The following ASIC2 variants were observed in gnomAD, a reference collection of about 807,000 sequenced individuals.
ASIC2 encodes the protein acid sensing ion channel subunit 2.
In ASIC2, 25 loss-of-function variants were observed where a neutral mutation model predicts 57.3. The observed-to-expected ratio is 0.44, with a 90% CI of 0.32 to 0.61. The LOEUF (loss-of-function observed/expected upper bound fraction) is 0.61, where lower values mean the gene tolerates loss of function less well. Among genes scored for constraint, ASIC2 ranks in the 20% least tolerant of loss-of-function variants. The pLI, the probability that ASIC2 is intolerant of heterozygous loss-of-function variation, is 0.06. For synonymous variants in ASIC2, 319 were observed against 307.5 expected, an observed-to-expected ratio of 1.04 and a Z score of -0.39; for missense variants, 641 against 738.1, an observed-to-expected ratio of 0.87 and a Z score of 1.52.
intron 1 of ASIC2, among the ~76,000 whole-genome samples, chr17:33,912,748 G>C (rs954291779): frequency 1.3e-5 from 2 of 152,068 alleles, no homozygotes; most frequent in Non-Finnish European, 2.9e-5. Context: ...GGGAGGCGGA[G>C]GTGGGCGGAT....
chr17:33,868,852 C>A (rs2141929874), intron 1 of ASIC2, among the ~76,000 whole-genome samples: 1 of 152,224 alleles, frequency 6.6e-6, no homozygotes, highest in African/African-American at 2.4e-5. Context: ...TCACTTGAAG[C>A]CAGGAGTTTA....
intron 1 of ASIC2, among the ~76,000 whole-genome samples, chr17:33,762,897 C>A (rs1018901469): frequency 6.6e-6 from 1 of 152,138 alleles, no homozygotes. Flanking sequence ...CAGTCCGTTG[C>A]GGGGCCTTGG....
intron 1 of ASIC2, among the ~76,000 whole-genome samples, chr17:33,535,686 G>C (rs1915207881): frequency 6.6e-6 from 1 of 152,158 alleles, no homozygotes; most frequent in Non-Finnish European, 1.5e-5. Context: ...CAGAAGCCAT[G>C]TGTGGTGTTG....
At position 34,016,441 on chromosome 17, in the gene ASIC2, A is replaced by G. The variant is rs955361264; in HGVS notation, c.555+139537T>C. Among the ~76,000 whole-genome samples, 9 of 151,292 alleles carry G rather than the reference A, an allele frequency of 5.9e-5. No individual in the cohort carries two copies. In the South Asian group the frequency reaches 6.3e-4, roughly 11 times the overall value. Reference sequence around the variant, plus strand: ...TCCGTCTCAAAAAAAAAAAAAAAAAAAAAAAAGAAACAATGCAACTGCCCA... The same window carrying G: ...TCCGTCTCAAAAAAAAAAAAAAAAAGAAAAAAGAAACAATGCAACTGCCCA... On this transcript the variant is annotated intron_variant, in intron 1 of 9. Transcript: ENST00000359872.
chr17:33,995,593 C>T (rs538176058), intron 1 of ASIC2, among the ~76,000 whole-genome samples: 221 of 152,114 alleles, frequency 1.5e-3, no homozygotes, highest in African/African-American at 5.3e-3. Context: ...ATGTGATATA[C>T]ATATGTGTGT....
intron 1 of ASIC2, among the ~76,000 whole-genome samples, chr17:33,341,497 C>A (rs1907720422): frequency 6.6e-6 from 1 of 152,166 alleles, no homozygotes; most frequent in Non-Finnish European, 1.5e-5. Flanking sequence ...TCTACGGTTG[C>A]TTTTAAACTA....
At chr17:33,097,819 G>C (rs1193430710) in intron 2 of ASIC2, among the ~76,000 whole-genome samples, 1 of 152,232 alleles carries the variant, frequency 6.6e-6, no homozygotes, top group Non-Finnish European at 1.5e-5. Context: ...TGAGATCCTG[G>C]TGGAAAGGGC....
intron 1 of ASIC2, among the ~76,000 whole-genome samples, chr17:34,029,996 G>A (rs1439771739): frequency 6.6e-6 from 1 of 152,136 alleles, no homozygotes; most frequent in Non-Finnish European, 1.5e-5. Context: ...ACTGAACCAG[G>A]CTAACACAGA....
chr17:33,759,377 G>T (rs969020195), intron 1 of ASIC2, among the ~76,000 whole-genome samples: 1 of 152,156 alleles, frequency 6.6e-6, no homozygotes, highest in African/African-American at 2.4e-5. Context: ...ATGGTGAACT[G>T]CTAGAGAAAA....
intron 3 of ASIC2, among the ~76,000 whole-genome samples, chr17:33,057,320 C>T (rs1038546881): frequency 6.6e-6 from 1 of 152,202 alleles, no homozygotes; most frequent in African/African-American, 2.4e-5. Context: ...AAACTTCATT[C>T]TATACTTCAA....
intron 1 of ASIC2, among the ~76,000 whole-genome samples, chr17:33,786,826 G>A (rs1449673866): frequency 2.6e-5 from 4 of 152,108 alleles, no homozygotes; most frequent in African/African-American, 4.8e-5. Context: ...GCTGAAAATC[G>A]AAGAAAAATA....
At chr17:34,089,574 C>G (rs975336812) in intron 1 of ASIC2, among the ~76,000 whole-genome samples, 5 of 152,168 alleles carry the variant, frequency 3.3e-5, no homozygotes, top group African/African-American at 1.2e-4. Context: ...GAAAAAGGAA[C>G]TGAATTTAAA....
At chr17:33,260,669 C>G (rs1407957135) in intron 1 of ASIC2, among the ~76,000 whole-genome samples, 1 of 152,214 alleles carries the variant, frequency 6.6e-6, no homozygotes. Context: ...CCATGCCCGG[C>G]TGAACCCTGC....
intron 1 of ASIC2, among the ~76,000 whole-genome samples, chr17:33,765,383 C>G (rs967482557): frequency 1.8e-4 from 27 of 152,140 alleles, no homozygotes; most frequent in African/African-American, 6.5e-4. Context: ...GCTGGGATTA[C>G]AGGCGTGAGC....
intron 1 of ASIC2, chr17:33,834,044 G>A (rs926671724): frequency 5.9e-5 from 9 of 152,316 alleles, no homozygotes; most frequent in East Asian, 1.9e-4. Context: ...TCCTGGATGG[G>A]AGTAAGACCC....
At chr17:33,093,344 A>G (rs1315443589) in intron 2 of ASIC2, among the ~76,000 whole-genome samples, 1 of 152,032 alleles carries the variant, frequency 6.6e-6, no homozygotes, top group Non-Finnish European at 1.5e-5. Context: ...AACTGATTCA[A>G]TGCTAAGCTC....
chr17:33,142,060 C>A (rs533535939), intron 1 of ASIC2, among the ~76,000 whole-genome samples: 2 of 152,334 alleles, frequency 1.3e-5, no homozygotes, highest in African/African-American at 4.8e-5. Context: ...CATTAGACTA[C>A]AAACCCCTCA....
intron 1 of ASIC2, among the ~76,000 whole-genome samples, chr17:34,103,895 T>C (rs1221062120): frequency 6.6e-6 from 1 of 152,164 alleles, no homozygotes; most frequent in Non-Finnish European, 1.5e-5. Context: ...GTAGTTTGAG[T>C]TCTTCAGCTT....
intron 1 of ASIC2, among the ~76,000 whole-genome samples, chr17:33,587,913 A>G (rs1291718452): frequency 6.6e-6 from 1 of 152,134 alleles, no homozygotes; most frequent in Non-Finnish European, 1.5e-5. Flanking sequence ...ACCATGTAAC[A>G]TAACTTCAGG....
Sources: allele counts gnomAD v4.1 joint callset (sites outside exome capture counted in the v4.1 genomes callset), GRCh38; gene constraint gnomAD v4.1.1; transcripts MANE v1.5; gene names NCBI Gene and HGNC (gene_info 2026-07-23, HGNC 2026-07-21).